The following BBS12 variants were observed in gnomAD, a reference collection of about 807,000 sequenced individuals.
The protein encoded by BBS12 is chaperonin-containing T-complex member BBS12.
BBS12 carries 5 observed loss-of-function variants against 5.6 expected under a neutral mutation model. The ratio of observed to expected loss-of-function variants is 0.89; its 90% CI spans 0.46 to 1.86. The LOEUF is 1.86. Ranked by LOEUF, BBS12 falls within the 40% of genes most tolerant of loss-of-function variation. The pLI is 0.01. For missense variants in BBS12, 748 were observed against 830.4 expected (o/e 0.90, Z 1.22); for synonymous variants, 308 against 306.8 (o/e 1.00, Z -0.04).
chr4:122,702,870 GGAA>G, the BBS12 span, among the ~76,000 whole-genome samples: 9 of 152,264 alleles, frequency 5.9e-5, no homozygotes, highest in East Asian at 1.2e-3. Flanking sequence ...CTGAGTTAGA[GGAA>G]GAAGAAGACA....
At chr4:122,719,055 G>A in the BBS12 span, among the ~76,000 whole-genome samples, 28 of 152,216 alleles carry the variant, frequency 1.8e-4, no homozygotes, top group South Asian at 1.0e-3. Flanking sequence ...TCCTGACCTC[G>A]TGATCCGCCC....
chr4:122,704,568 A>G, the BBS12 span, among the ~76,000 whole-genome samples: 1 of 152,192 alleles, frequency 6.6e-6, no homozygotes, highest in African/African-American at 2.4e-5. Context: ...GCAGGAAAAT[A>G]TAAGACGGTA....
the BBS12 span, among the ~76,000 whole-genome samples, chr4:122,720,692 A>G: frequency 2.6e-5 from 4 of 152,150 alleles, no homozygotes; most frequent in Non-Finnish European, 5.9e-5. Flanking sequence ...TAGAGAGGAT[A>G]TGATGATTCG....
chr4:122,727,314 T>C, the BBS12 span, among the ~76,000 whole-genome samples: 1 of 151,274 alleles, frequency 6.6e-6, no homozygotes, highest in Non-Finnish European at 1.5e-5. Context: ...GTGCGATCTC[T>C]GCTCCCTGCA....
chr4:122,718,863 G>A, the BBS12 span, among the ~76,000 whole-genome samples: 1 of 152,152 alleles, frequency 6.6e-6, no homozygotes, highest in African/African-American at 2.4e-5. Flanking sequence ...CTGTCACCCA[G>A]GCTGGAGTGC....
the BBS12 span, among the ~76,000 whole-genome samples, chr4:122,700,858 A>G: frequency 6.6e-6 from 1 of 152,236 alleles, no homozygotes; most frequent in Non-Finnish European, 1.5e-5. Flanking sequence ...TGCTTAATAA[A>G]TGTTTGTTGA....
chr4:122,735,154 G>GACAACTC (rs1800767130), intron 1 of BBS12, among the ~76,000 whole-genome samples: 1 of 152,200 alleles, frequency 6.6e-6, no homozygotes, highest in South Asian at 2.1e-4. Context: ...AGAAAGGAGG[G>GACAACTC]ACAACTCTAC....
chr4:122,719,244 C>G, the BBS12 span, among the ~76,000 whole-genome samples: 33 of 152,236 alleles, frequency 2.2e-4, 1 homozygote, highest in South Asian at 5.4e-3. Flanking sequence ...TGCTCTGTGT[C>G]TAGCTAAAGG....
At chr4:122,717,574 G>A in the BBS12 span, among the ~76,000 whole-genome samples, 2 of 152,064 alleles carry the variant, frequency 1.3e-5, no homozygotes, top group Non-Finnish European at 2.9e-5. Context: ...TTGTTGCCCA[G>A]GCTGGAGCGC....
chr4:122,741,945 A>G lies in BBS12; in HGVS notation c.53A>G (p.Gln18Arg), dbSNP rs771515565. 1 of 1,613,980 alleles carries G rather than the reference A, an allele frequency of 6.2e-7. No individual in the cohort carries two copies. Among genetic ancestry groups the G allele is most frequent in the South Asian group, 1.1e-5 (1 of 91,026 alleles). The change falls in exon 2 of 2, where the codon CAA becomes CGA. Residue 18 changes from glutamine (Q) to arginine (R), a missense_variant. By Grantham distance (43) the Gln-to-Arg change is conservative. Coordinates refer to ENST00000314218, the MANE Select transcript of BBS12 (RefSeq NM_152618.3). ...VNKRRHMGLQQLSSFAETGRT... is the reference protein window; with the variant it reads ...VNKRRHMGLQRLSSFAETGRT... ...AAAAGAAGACACATGGGACTTCAACAACTTTCATCATTCGCGGAAACAGGA... is the reference window on the plus strand; with the variant it reads ...AAAAGAAGACACATGGGACTTCAACGACTTTCATCATTCGCGGAAACAGGA...
chr4:122,724,735 A>C, the BBS12 span, among the ~76,000 whole-genome samples: 1 of 152,186 alleles, frequency 6.6e-6, no homozygotes, highest in Non-Finnish European at 1.5e-5. Context: ...ATAGCTCAAG[A>C]GTTCTGTCCT....
the BBS12 span, among the ~76,000 whole-genome samples, chr4:122,714,670 ACAAG>A: frequency 6.6e-6 from 1 of 152,012 alleles, no homozygotes; most frequent in Non-Finnish European, 1.5e-5. Flanking sequence ...ATATGTATAA[ACAAG>A]CTAACTTCCT....
At chr4:122,717,548 G>C in the BBS12 span, among the ~76,000 whole-genome samples, 2 of 151,778 alleles carry the variant, frequency 1.3e-5, no homozygotes, top group Admixed American at 1.3e-4. Context: ...TTTTTTCTTG[G>C]AGACAAAGTC....
chr4:122,719,404 C>T, the BBS12 span, among the ~76,000 whole-genome samples: 5 of 152,106 alleles, frequency 3.3e-5, no homozygotes, highest in South Asian at 8.3e-4. Context: ...TCGGCTTCCA[C>T]GTCGTGGAAG....
chr4:122,705,606 A>C, the BBS12 span, among the ~76,000 whole-genome samples: 1 of 152,226 alleles, frequency 6.6e-6, no homozygotes. Context: ...AATTAATCCT[A>C]GTTTGTATTA....
At chr4:122,740,614 G>A (rs1800854939) in intron 1 of BBS12, among the ~76,000 whole-genome samples, 1 of 152,096 alleles carries the variant, frequency 6.6e-6, no homozygotes, top group Non-Finnish European at 1.5e-5. Context: ...AGTGCCTCCT[G>A]GTACATTGTA....
the BBS12 span, among the ~76,000 whole-genome samples, chr4:122,700,961 T>C: frequency 1.3e-5 from 2 of 152,210 alleles, no homozygotes; most frequent in Non-Finnish European, 2.9e-5. Context: ...CCTACCATAG[T>C]TAAAGGCATA....
At position 122,742,274 on chromosome 4, in the gene BBS12, G is replaced by A. The variant is rs375439566; in HGVS notation, c.382G>A (p.Val128Ile). ...EGLNFCSEEV[V>I]SLHVPVHNIF... ...CTTAAACTTTTGTAGTGAAGAGGTA[G>A]TTTCTCTTCATGTACCTGTTCACAA... is the stretch of plus-strand genomic sequence containing the variant. The change falls in exon 2 of 2, where the codon GTT becomes ATT. Residue 128 changes from valine to isoleucine, a missense_variant. Val to Ile is a conservative substitution (Grantham distance 29). Transcript: ENST00000314218. The A allele has an allele frequency of 4.3e-6, 7 of 1,613,702 alleles. No homozygotes were observed. The highest frequency in any genetic ancestry group is 5.9e-6 in the Non-Finnish European group (7 of 1,179,948).
the BBS12 span, among the ~76,000 whole-genome samples, chr4:122,724,942 T>C: frequency 1.3e-5 from 2 of 152,212 alleles, no homozygotes; most frequent in African/African-American, 2.4e-5. Flanking sequence ...GTAAAGATGA[T>C]TATGTTTCAA....
Sources: gnomAD v4.1 joint callset for allele counts (sites outside exome capture counted in the v4.1 genomes callset) on GRCh38, gnomAD v4.1.1 for gene constraint, MANE v1.5 for transcripts, NCBI Gene and HGNC (gene_info 2026-07-23, HGNC 2026-07-21) for gene names.